OSBPL10: variants seen among roughly 807,000 people sequenced by gnomAD.
OSBPL10 encodes oxysterol binding protein like 10.
A neutral mutation model predicts 81.7 loss-of-function variants in OSBPL10; 49 were observed. That is an observed-to-expected ratio of 0.60 (90% CI 0.48 to 0.76). OSBPL10 has a LOEUF of 0.76. Among genes scored for constraint, OSBPL10 ranks in the 30% least tolerant of loss-of-function variants. The pLI, the probability that OSBPL10 is intolerant of heterozygous loss-of-function variation, is 0.00. For synonymous variants in OSBPL10, 419 were observed against 383.6 expected (o/e 1.09, Z -1.08); for missense variants, 923 against 987.8 (o/e 0.93, Z 0.88).
chr3:31,951,283 C>T (rs1390436742), intron 1 of OSBPL10, among the ~76,000 whole-genome samples: 2 of 151,900 alleles, frequency 1.3e-5, no homozygotes, highest in Non-Finnish European at 2.9e-5. Flanking sequence ...AAAAAAAAGA[C>T]TTGCAGAAAA....
At chr3:31,927,696 T>C (rs554322323) in intron 1 of OSBPL10, among the ~76,000 whole-genome samples, 1 of 152,340 alleles carries the variant, frequency 6.6e-6, no homozygotes. Context: ...TTATTCCTTG[T>C]TGCAATCAGT....
At chr3:31,933,337 T>C (rs941336185) in intron 1 of OSBPL10, among the ~76,000 whole-genome samples, 1 of 152,232 alleles carries the variant, frequency 6.6e-6, no homozygotes. Context: ...ACTTCAACTT[T>C]AACATTCTGA....
At chr3:32,003,867 G>C (rs1699177392) in intron 2 of OSBPL10, among the ~76,000 whole-genome samples, 1 of 152,126 alleles carries the variant, frequency 6.6e-6, no homozygotes, top group African/African-American at 2.4e-5. Context: ...GATTTGGAGG[G>C]ACAAAGTAGA....
chr3:31,708,053 C>G (rs541692159), intron 6 of OSBPL10, among the ~76,000 whole-genome samples: 2 of 152,102 alleles, frequency 1.3e-5, no homozygotes, highest in Admixed American at 1.3e-4. Flanking sequence ...GAGCAAGTGC[C>G]CAACAACCAA....
chr3:31,879,780 T>G lies in OSBPL10; in HGVS notation c.332A>C (p.Glu111Ala), dbSNP rs1376066588. 6.2e-7 allele frequency: 1 copy of G among 1,614,138 alleles called. No individual in the cohort carries two copies. The highest frequency in any genetic ancestry group is 8.5e-7 in the Non-Finnish European group (1 of 1,180,030). ...TCGAGGCTTCTGGTGTTTGCTTTGC[T>G]CATTCACAAAATACTGCAGGATGCC... ...EAGILQYFVN[E>A]QSKHQKPRGV... The change falls in exon 2 of 12, where the codon GAG (glutamate) becomes GCG (alanine). Residue 111 changes from glutamate to alanine, a missense_variant. Physicochemically the swap from Glu to Ala is moderately radical, Grantham distance 107. Around this residue, in one of 3 missense-constraint regions of OSBPL10, gnomAD observed 514 missense variants for 508.0 expected, o/e 1.01. Transcript: ENST00000396556.
chr3:31,945,422 C>T (rs560783048), intron 1 of OSBPL10, among the ~76,000 whole-genome samples: 108 of 152,310 alleles, frequency 7.1e-4, no homozygotes, highest in African/African-American at 2.6e-3. Flanking sequence ...TACGATCCAG[C>T]CCTCAAGCCC....
At chr3:32,032,040 C>CT (rs1448081751) in intron 2 of OSBPL10, among the ~76,000 whole-genome samples, 1 of 152,110 alleles carries the variant, frequency 6.6e-6, no homozygotes, top group African/African-American at 2.4e-5. Flanking sequence ...AATTCCAGTA[C>CT]TTTGGGAGGC....
chr3:31,859,146 G>A, intron 3 of OSBPL10, among the ~76,000 whole-genome samples: 1 of 152,104 alleles, frequency 6.6e-6, no homozygotes, highest in East Asian at 1.9e-4. Context: ...AGTGGCCCAG[G>A]CACAGCCAGA....
At chr3:31,900,871 T>C (rs1056155272) in intron 1 of OSBPL10, among the ~76,000 whole-genome samples, 2 of 152,224 alleles carry the variant, frequency 1.3e-5, no homozygotes, top group Non-Finnish European at 2.9e-5. Context: ...TACCATTAAG[T>C]ATGATGTTAG....
chr3:32,059,788 T>C (rs1048141002), intron 1 of OSBPL10, among the ~76,000 whole-genome samples: 18 of 151,824 alleles, frequency 1.2e-4, no homozygotes, highest in Admixed American at 6.6e-4. Context: ...GGCACATGCC[T>C]GTAGTCCCAG....
chr3:31,799,612 A>C (rs924618003), intron 4 of OSBPL10, among the ~76,000 whole-genome samples: 1 of 152,140 alleles, frequency 6.6e-6, no homozygotes, highest in Non-Finnish European at 1.5e-5. Context: ...GTACATTATA[A>C]GCACTCAAGA....
intron 1 of OSBPL10, among the ~76,000 whole-genome samples, chr3:31,896,447 A>G (rs541916272): frequency 2.2e-4 from 34 of 152,346 alleles, no homozygotes; most frequent in African/African-American, 8.2e-4. Context: ...AACTCTGGAC[A>G]ATGTGGAGAA....
At chr3:32,029,081 G>A (rs1699443937) in intron 2 of OSBPL10, among the ~76,000 whole-genome samples, 1 of 151,838 alleles carries the variant, frequency 6.6e-6, no homozygotes, top group African/African-American at 2.4e-5. Flanking sequence ...CCAGTGAAAG[G>A]CAGCCTCATA....
intron 4 of OSBPL10, among the ~76,000 whole-genome samples, chr3:31,779,468 GGGA>G (rs1160316645): frequency 6.6e-6 from 1 of 152,094 alleles, no homozygotes; most frequent in Non-Finnish European, 1.5e-5. Flanking sequence ...AAGATAAAGA[GGGA>G]CATTACATAA....
intron 3 of OSBPL10, among the ~76,000 whole-genome samples, chr3:31,855,717 C>A (rs1469718470): frequency 3.3e-5 from 5 of 152,130 alleles, no homozygotes; most frequent in Non-Finnish European, 5.9e-5. Context: ...TTCTTCTAAG[C>A]CTTTCCTCCA....
Position 31,685,912 on chromosome 3 carries a change from CAGTGTTA to C in OSBPL10, c.1246-1805_1246-1799del, listed in dbSNP as rs1456504227. Among the ~76,000 whole-genome samples the C allele has an allele frequency of 3.3e-5, 5 of 152,198 alleles. No homozygotes were observed. In the East Asian group the frequency reaches 9.6e-4, roughly 29 times the overall value. On this transcript the variant is annotated intron_variant, in intron 7 of 11. Transcript: ENST00000396556. ...TGTTGCAATTTGATCCCCGATGTGG[CAGTGTTA>C]GGAAGTGGGGACTAGTAGAAGGTGT...
At chr3:31,980,841 G>A (rs959228676) in intron 1 of OSBPL10, 58 bp downstream of exon 1, 28 of 1,346,996 alleles carry the variant, frequency 2.1e-5, no homozygotes, top group Admixed American at 1.1e-4. Flanking sequence ...ACACACGCAC[G>A]CACACACACA....
chr3:31,858,574 C>T (rs11129469), intron 3 of OSBPL10, among the ~76,000 whole-genome samples: 52,005 of 151,988 alleles, frequency 0.34, 10,590 homozygotes, highest in South Asian at 0.58. Flanking sequence ...CAATTCAATC[C>T]TCACATCAAA....
At chr3:31,878,615 A>T (rs1250568935) in intron 2 of OSBPL10, among the ~76,000 whole-genome samples, 1 of 152,202 alleles carries the variant, frequency 6.6e-6, no homozygotes, top group African/African-American at 2.4e-5. Flanking sequence ...AGAGGTGAGG[A>T]ATGTAGTCCC....
Sources: allele counts gnomAD v4.1 joint callset (sites outside exome capture counted in the v4.1 genomes callset), GRCh38; gene constraint gnomAD v4.1.1; regional missense constraint gnomAD v4.1.1; transcripts MANE v1.5; gene names NCBI Gene and HGNC (gene_info 2026-07-23, HGNC 2026-07-21).